CAPN14: variants seen among roughly 807,000 people sequenced by gnomAD.
CAPN14 encodes calpain 14, also known as calpain-14.
A neutral mutation model predicts 101.3 loss-of-function variants in CAPN14; 94 were observed. That is an observed-to-expected ratio of 0.93 (90% CI 0.79 to 1.10). CAPN14 has a LOEUF of 1.10. Among genes scored for constraint, CAPN14 ranks in the 50% least tolerant of loss-of-function variants. The probability of loss-of-function intolerance (pLI) is 0.00; values close to 1 mark genes in which losing one functional copy is unlikely to be tolerated. For synonymous variants in CAPN14, 338 were observed against 317.9 expected (o/e 1.06, Z -0.67); for missense variants, 837 against 828.4 (o/e 1.01, Z -0.13).
upstream of CAPN14, among the ~76,000 whole-genome samples, chr2:31,220,027 T>C (rs1012759186): frequency 1.3e-5 from 2 of 152,150 alleles, no homozygotes; most frequent in Non-Finnish European, 2.9e-5. Context: ...AAAATTCTCA[T>C]TCCTTCAGGG....
intron 21 of CAPN14, among the ~76,000 whole-genome samples, chr2:31,174,941 T>C (rs1370188053): frequency 6.6e-6 from 1 of 152,224 alleles, no homozygotes; most frequent in Admixed American, 6.5e-5. Flanking sequence ...TATTCAGTTC[T>C]CAATGAATTT....
At chr2:31,214,573 C>G (rs955685239) in intron 1 of CAPN14, among the ~76,000 whole-genome samples, 11 of 152,190 alleles carry the variant, frequency 7.2e-5, no homozygotes, top group African/African-American at 2.7e-4. Context: ...AGTCCCTTAA[C>G]TGGCAATGCT....
intron 10 of CAPN14, among the ~76,000 whole-genome samples, chr2:31,192,417 G>A (rs370241761): frequency 6.6e-6 from 1 of 152,202 alleles, no homozygotes; most frequent in South Asian, 2.1e-4. Flanking sequence ...TCCCTGGGGA[G>A]GTGACCATGA....
At chr2:31,203,718 T>C (rs1450982033) in intron 2 of CAPN14, among the ~76,000 whole-genome samples, 1 of 152,122 alleles carries the variant, frequency 6.6e-6, no homozygotes, top group African/African-American at 2.4e-5. Flanking sequence ...GGCTGCCATG[T>C]AGTTTAGGAG....
At chr2:31,191,838 G>T in intron 11 of CAPN14, 97 bp downstream of exon 11, 1 of 1,209,168 alleles carries the variant, frequency 8.3e-7, no homozygotes. Flanking sequence ...TGTGAACAGA[G>T]ACAGATGGTG....
chr2:31,181,237 A>G (rs1680580191), intron 16 of CAPN14, among the ~76,000 whole-genome samples: 1 of 152,094 alleles, frequency 6.6e-6, no homozygotes, highest in Admixed American at 6.5e-5. Flanking sequence ...GCTTACACAG[A>G]GGGCCAAATG....
chr2:31,230,637 T>C lies in CAPN14; in HGVS notation c.-177+3154A>G, dbSNP rs372331680. Among the ~76,000 whole-genome samples the C allele has an allele frequency of 3.9e-5, 6 of 152,368 alleles. No homozygotes were observed. The highest frequency in any genetic ancestry group is 1.4e-4 in the African/African-American group (6 of 41,584). On this transcript the variant is annotated intron_variant and NMD_transcript_variant, in intron 1 of 21. Transcript: ENST00000398824. This position sits in a 1 kb window ranked among gnomAD's most constrained non-coding sequence, Gnocchi z 4.3. ...TTTTCTTGCGTTTATAGGGCATTCATGTAGCCTCTTGTAAAAGACATTTTT... is the reference window on the plus strand; with the variant it reads ...TTTTCTTGCGTTTATAGGGCATTCACGTAGCCTCTTGTAAAAGACATTTTT...
intron 16 of CAPN14, among the ~76,000 whole-genome samples, 153 bp from the exon 17 acceptor site, chr2:31,181,153 C>CG (rs770851405): frequency 1.1e-4 from 17 of 152,136 alleles, no homozygotes; most frequent in South Asian, 6.3e-4. Flanking sequence ...AGTAGAGAGA[C>CG]GGGGGGGTGA....
At chr2:31,193,552 C>G (rs6543616) in intron 9 of CAPN14, among the ~76,000 whole-genome samples, 2 of 152,084 alleles carry the variant, frequency 1.3e-5, no homozygotes. Flanking sequence ...CATGGCTGAC[C>G]GGGGGAGATG....
chr2:31,201,789 C>T, intron 5 of CAPN14, 73 bp downstream of exon 5: 1 of 1,518,668 alleles, frequency 6.6e-7, no homozygotes, highest in Non-Finnish European at 8.9e-7. Flanking sequence ...TACCTGACTC[C>T]ACTCCCCTCC....
At chr2:31,197,394 G>T in intron 7 of CAPN14, 60 bp from the exon 8 acceptor site, 1 of 1,181,810 alleles carries the variant, frequency 8.5e-7, no homozygotes, top group Non-Finnish European at 1.2e-6. Flanking sequence ...CCAGAGATCT[G>T]AGTGAGACTC....
intron 2 of CAPN14, among the ~76,000 whole-genome samples, chr2:31,225,300 T>G (rs986176951): frequency 6.6e-6 from 1 of 152,018 alleles, no homozygotes; most frequent in Non-Finnish European, 1.5e-5. Context: ...TTTAAATTTT[T>G]AAATGAGAGA....
intron 1 of CAPN14, among the ~76,000 whole-genome samples, chr2:31,232,608 A>T (rs1572456760): frequency 1.3e-5 from 2 of 152,194 alleles, no homozygotes; most frequent in African/African-American, 2.4e-5. Context: ...AGAGAGAAGT[A>T]TGAGGAACCA....
At position 31,205,205 on chromosome 2, in the gene CAPN14, T is replaced by G. The variant is rs1287209937; in HGVS notation, c.225+18A>C. 10 of 1,547,612 alleles carry G rather than the reference T, an allele frequency of 6.5e-6. No individual in the cohort carries two copies. The highest frequency in any genetic ancestry group is 8.7e-6 in the Non-Finnish European group (10 of 1,145,210). On this transcript the variant is annotated intron_variant, in intron 2 of 21. Coordinates refer to ENST00000403897, the MANE Select transcript of CAPN14 (RefSeq NM_001145122.2). ...AACCCTGGGGAAGGAGGGTCTGGGC[T>G]GACACATTTTGCCTCACCGGGGGCC...
chr2:31,213,166 T>C (rs1277500913), intron 1 of CAPN14, among the ~76,000 whole-genome samples: 2 of 152,194 alleles, frequency 1.3e-5, no homozygotes, highest in Non-Finnish European at 2.9e-5. Context: ...AGAAGGCAAG[T>C]GAGTTTGCCA....
intron 12 of CAPN14, among the ~76,000 whole-genome samples, chr2:31,190,567 A>G (rs1025574720): frequency 6.6e-6 from 1 of 152,140 alleles, no homozygotes; most frequent in Non-Finnish European, 1.5e-5. Flanking sequence ...ATGGCTTTGA[A>G]ATTTTGTAGC....
chr2:31,175,521 T>C (rs1680245606), intron 21 of CAPN14, among the ~76,000 whole-genome samples: 1 of 152,266 alleles, frequency 6.6e-6, no homozygotes, highest in Non-Finnish European at 1.5e-5. Context: ...ACATTTGTGT[T>C]GTCCTATTCT....
At chr2:31,181,442 CTTT>C (rs754556160) in intron 16 of CAPN14, among the ~76,000 whole-genome samples, 9 of 99,038 alleles carry the variant, frequency 9.1e-5, no homozygotes, top group Non-Finnish European at 1.8e-4. Context: ...TTCTTTCTTT[CTTT>C]TTCTTTCTTT....
rs997341255 is a variant in CAPN14, at chr2:31,224,276, A to G, written c.-53+2252T>C. Among the ~76,000 whole-genome samples, 10 of 152,280 alleles carry G rather than the reference A, an allele frequency of 6.6e-5. 1 individual carries two copies. The South Asian group carries it at 1.7e-3, about 25-fold the overall frequency. On this transcript the variant is annotated intron_variant and NMD_transcript_variant, in intron 2 of 21. Transcript: ENST00000398824. Reference sequence around the variant, plus strand: ...AAAGAACACTCAGTACATAACACACATATACATTTACATATGAAGGCTTCT... The same window carrying G: ...AAAGAACACTCAGTACATAACACACGTATACATTTACATATGAAGGCTTCT...
Sources: allele counts gnomAD v4.1 joint callset (sites outside exome capture counted in the v4.1 genomes callset), GRCh38; gene constraint gnomAD v4.1.1; non-coding constraint Gnocchi (gnomAD v3.1); transcripts MANE v1.5; gene names NCBI Gene and HGNC (gene_info 2026-07-23, HGNC 2026-07-21).